ZNF407: variants seen among roughly 807,000 people sequenced by gnomAD.
ZNF407 encodes the protein zinc finger protein 407.
Under a neutral mutation model 131.2 loss-of-function variants are expected in ZNF407, and 17 were observed. The ratio of observed to expected loss-of-function variants is 0.13; its 90% CI spans 0.09 to 0.19. The LOEUF (loss-of-function observed/expected upper bound fraction) is 0.19, where lower values mean the gene tolerates loss of function less well. ZNF407 is among the 10% of genes least tolerant of loss of function. The pLI is 1.00. For missense variants in ZNF407, 2,681 were observed against 2,830.6 expected (o/e 0.95, Z 1.20); for synonymous variants, 1,156 against 1,062.0 (o/e 1.09, Z -1.72).
intron 4 of ZNF407, among the ~76,000 whole-genome samples, chr18:74,848,286 A>G (rs1970730268): frequency 6.6e-6 from 1 of 152,216 alleles, no homozygotes; most frequent in Admixed American, 6.5e-5. Flanking sequence ...AAGTTTATCA[A>G]TGATTTGAAA....
At position 75,046,771 on chromosome 18, in the gene ZNF407, A is replaced by G. The variant is rs185593228; in HGVS notation, c.5429-16379A>G. ...TGAATTGAAGACAATGAAAAAAAAA[A>G]AAAAAGCCTTACCTCACTCCCTCCT... On this transcript the variant is annotated intron_variant, in intron 8 of 8. Coordinates refer to ENST00000299687, the MANE Select transcript of ZNF407 (RefSeq NM_017757.3). 5.3e-3 allele frequency among the ~76,000 whole-genome samples: 804 copies of G among 152,056 alleles called. 10 individuals are homozygous for G. The highest frequency in any genetic ancestry group is 0.018 in the African/African-American group (749 of 41,472).
chr18:74,804,697 AC>A, intron 4 of ZNF407: 1 of 723,598 alleles, frequency 1.4e-6, no homozygotes, highest in Non-Finnish European at 1.7e-6. Flanking sequence ...TAGCTTTTGT[AC>A]CACAACCTAC....
At chr18:75,011,271 C>T (rs890041189) in intron 8 of ZNF407, among the ~76,000 whole-genome samples, 23 of 152,154 alleles carry the variant, frequency 1.5e-4, no homozygotes, top group Admixed American at 1.5e-3. Flanking sequence ...CTGTGGACTA[C>T]CTTTCTCTGC....
intron 3 of ZNF407, among the ~76,000 whole-genome samples, chr18:74,651,889 G>C (rs897095372): frequency 1.3e-5 from 2 of 152,134 alleles, no homozygotes; most frequent in Non-Finnish European, 2.9e-5. Context: ...AACTCTGCTG[G>C]AGTAGTTAGT....
intron 8 of ZNF407, among the ~76,000 whole-genome samples, chr18:74,953,705 A>G (rs1972242290): frequency 6.6e-6 from 1 of 152,248 alleles, no homozygotes; most frequent in African/African-American, 2.4e-5. Context: ...ATATAGAAAT[A>G]TAGAGGATTT....
chr18:74,662,931 C>T (rs1484292941), intron 3 of ZNF407, among the ~76,000 whole-genome samples: 1 of 152,142 alleles, frequency 6.6e-6, no homozygotes, highest in Non-Finnish European at 1.5e-5. Context: ...GAGTATGCCG[C>T]ATCAAACTGC....
At chr18:74,785,467 C>T (rs986758410) in intron 4 of ZNF407, among the ~76,000 whole-genome samples, 1 of 152,128 alleles carries the variant, frequency 6.6e-6, no homozygotes, top group Non-Finnish European at 1.5e-5. Flanking sequence ...CAAATCTTTA[C>T]CCCACCTAAT....
In ZNF407 at chr18:75,063,910, A is replaced by G. The variant is rs1049295681; in HGVS notation, c.6189A>G (p.Ser2063=). The change falls in exon 9 of 9, where the codon TCA becomes TCG. Residue 2063 remains serine (S), a synonymous_variant. Coordinates refer to ENST00000299687, the MANE Select transcript of ZNF407 (RefSeq NM_017757.3). The surrounding 1 kb of genome is among the most constrained non-coding windows in gnomAD (Gnocchi z 6.6). The part of the protein sequence containing the change: ...VEVLTQVVHP[S]AAMASQERAQ... ...TGCTCACCCAGGTGGTCCATCCCTC[A>G]GCAGCCATGGCCTCTCAGGAGCGGG... The G allele has an allele frequency of 7.4e-6, 12 of 1,613,492 alleles. No individual in the cohort carries two copies. In the African/African-American group the frequency reaches 1.1e-4, roughly 14 times the overall value.
intron 7 of ZNF407, among the ~76,000 whole-genome samples, chr18:74,916,100 C>A (rs1599240657): frequency 1.9e-4 from 1 of 5,268 alleles, no homozygotes. Flanking sequence ...AGGTTGTGTG[C>A]AGCATTGGTT....
intron 8 of ZNF407, among the ~76,000 whole-genome samples, chr18:75,020,856 C>T (rs1973101702): frequency 6.6e-6 from 1 of 152,100 alleles, no homozygotes; most frequent in Non-Finnish European, 1.5e-5. Flanking sequence ...CCTAGTGAAA[C>T]CTGAACAGAG....
chr18:74,694,028 G>T (rs1005738292), intron 3 of ZNF407, among the ~76,000 whole-genome samples: 1 of 152,126 alleles, frequency 6.6e-6, no homozygotes. Flanking sequence ...GTTGACTAAA[G>T]TATACTCTTG....
intron 3 of ZNF407, among the ~76,000 whole-genome samples, chr18:74,674,178 C>A (rs1986262639): frequency 6.6e-6 from 1 of 152,184 alleles, no homozygotes; most frequent in African/African-American, 2.4e-5. Context: ...CCTTCACTCC[C>A]TCACCACTTA....
At chr18:74,898,261 T>A (rs1971478935) in intron 7 of ZNF407, 2 of 152,246 alleles carry the variant, frequency 1.3e-5, no homozygotes, top group Non-Finnish European at 2.9e-5. Context: ...AGAATTTCTT[T>A]AAGACAATAT....
chr18:74,833,951 G>A (rs890277), intron 4 of ZNF407, among the ~76,000 whole-genome samples: 2,713 of 152,282 alleles, frequency 0.018, 82 homozygotes, highest in African/African-American at 0.062. Flanking sequence ...AGTGGAGATA[G>A]CAAAGGATTG....
intron 3 of ZNF407, among the ~76,000 whole-genome samples, chr18:74,671,108 C>T (rs929455008): frequency 1.3e-5 from 2 of 152,204 alleles, no homozygotes; most frequent in Admixed American, 1.3e-4. Flanking sequence ...CCCGTCCCCA[C>T]CTCCCCACAG....
chr18:74,894,579 C>T (rs1568258867), intron 7 of ZNF407, among the ~76,000 whole-genome samples: 1 of 152,068 alleles, frequency 6.6e-6, no homozygotes. Context: ...GGATGTGTTT[C>T]ACTTCAGTGG....
intron 3 of ZNF407, among the ~76,000 whole-genome samples, chr18:74,763,196 CTTTTTTTTTTTT>C (rs71170316): frequency 0.013 from 235 of 17,790 alleles, 12 homozygotes; most frequent in East Asian, 0.038. Context: ...TTCTTAGGAC[CTTTTTTTTTTTT>C]TTTTTTTTTT....
At chr18:74,878,932 A>G (rs1971199255) in intron 5 of ZNF407, among the ~76,000 whole-genome samples, 1 of 152,028 alleles carries the variant, frequency 6.6e-6, no homozygotes. Flanking sequence ...TTTAGAATGA[A>G]AAACAAATCA....
intron 4 of ZNF407, among the ~76,000 whole-genome samples, chr18:74,826,688 C>T (rs778372893): frequency 2.0e-5 from 3 of 152,010 alleles, no homozygotes; most frequent in Non-Finnish European, 2.9e-5. Context: ...ACTTAGTGTC[C>T]CAACTCCCCA....
Sources: allele counts gnomAD v4.1 joint callset (sites outside exome capture counted in the v4.1 genomes callset), GRCh38; gene constraint gnomAD v4.1.1; non-coding constraint Gnocchi (gnomAD v3.1); transcripts MANE v1.5; gene names NCBI Gene and HGNC (gene_info 2026-07-23, HGNC 2026-07-21).